Variants in DCLK1 observed in about 807,000 individuals in gnomAD.
The protein encoded by DCLK1 is doublecortin like kinase 1.
Under a neutral mutation model 86.2 loss-of-function variants are expected in DCLK1, and 16 were observed. That is an observed-to-expected ratio of 0.19 (90% CI 0.13 to 0.28). The LOEUF is 0.28. Among genes scored for constraint, DCLK1 ranks in the 10% least tolerant of loss-of-function variants. The pLI, the probability that DCLK1 is intolerant of heterozygous loss-of-function variation, is 1.00. For synonymous variants in DCLK1, 369 were observed against 370.5 expected (o/e 1.00, Z 0.05); for missense variants, 590 against 940.2 (o/e 0.63, Z 4.87).
intron 5 of DCLK1, chr13:35,855,826 G>A: frequency 8.1e-7 from 1 of 1,234,488 alleles, no homozygotes; most frequent in Non-Finnish European, 1.0e-6. Flanking sequence ...GGAAGCCCCA[G>A]TGCTGTCAGT....
intron 3 of DCLK1, among the ~76,000 whole-genome samples, chr13:36,052,652 AG>A (rs1227513500): frequency 2.0e-5 from 3 of 152,208 alleles, no homozygotes; most frequent in Non-Finnish European, 2.9e-5. Flanking sequence ...TGAGAAGTAA[AG>A]GAGACGTATT....
intron 3 of DCLK1, among the ~76,000 whole-genome samples, chr13:35,995,764 G>A (rs1316513743): frequency 2.0e-5 from 3 of 152,136 alleles, no homozygotes; most frequent in Non-Finnish European, 4.4e-5. Flanking sequence ...CCACGTACGT[G>A]AGATCACACG....
chr13:35,789,323 G>A (rs899308599), intron 16 of DCLK1, among the ~76,000 whole-genome samples: 5 of 152,194 alleles, frequency 3.3e-5, no homozygotes, highest in African/African-American at 1.2e-4. Flanking sequence ...AAACTGCTTG[G>A]AGGATTTTGT....
intron 3 of DCLK1, among the ~76,000 whole-genome samples, chr13:35,999,823 G>A (rs749208673): frequency 2.6e-5 from 4 of 152,076 alleles, no homozygotes; most frequent in Non-Finnish European, 5.9e-5. Flanking sequence ...TGATGCTTGC[G>A]GTCTGCTGAC....
rs2086301427 is a variant in DCLK1 at position 35,770,007 on chromosome 13, C to T, written c.*4528G>A. 6.6e-6 allele frequency: 1 copy of T among 152,302 alleles called. No individual in the cohort carries two copies. Among genetic ancestry groups the T allele is most frequent in the Middle Eastern group, 3.4e-3 (1 of 294 alleles). 9.4% of individuals were successfully genotyped at this position (152,302 alleles called of 1,614,324 possible). A position where few individuals can be genotyped will look rare whatever the true frequency, so the allele number is the denominator to read the frequency against. On this transcript the variant is annotated 3_prime_UTR_variant, in exon 17 of 17. Transcript: ENST00000360631. ...CAATAAACAAACAAACAAAAACCCC[C>T]ACTCTAACCAGAGGCATTTAAGCCT...
intron 3 of DCLK1, among the ~76,000 whole-genome samples, chr13:35,978,151 G>A (rs1473282702): frequency 1.4e-5 from 2 of 146,802 alleles, no homozygotes; most frequent in African/African-American, 2.5e-5. Flanking sequence ...ATTAAGAATC[G>A]ATTTTCTGCT....
At chr13:36,123,619 C>A (rs1886066007) in intron 2 of DCLK1, among the ~76,000 whole-genome samples, 1 of 152,328 alleles carries the variant, frequency 6.6e-6, no homozygotes, top group Non-Finnish European at 1.5e-5. Flanking sequence ...CTAACTCTAC[C>A]ATTTCTTTCT....
intron 3 of DCLK1, among the ~76,000 whole-genome samples, chr13:35,972,056 T>C (rs1879090166): frequency 6.6e-6 from 1 of 152,194 alleles, no homozygotes. Flanking sequence ...TTCACACTCA[T>C]TGATTGGTGA....
chr13:35,774,842 AC>A, intron 16 of DCLK1, 143 bp from the exon 17 acceptor site: 1 of 942,844 alleles, frequency 1.1e-6, no homozygotes, highest in African/African-American at 1.7e-5. Flanking sequence ...GTTGACAGTC[AC>A]CACTCTCAGG....
At chr13:36,027,669 A>T (rs1882098584) in intron 3 of DCLK1, among the ~76,000 whole-genome samples, 1 of 152,190 alleles carries the variant, frequency 6.6e-6, no homozygotes, top group Non-Finnish European at 1.5e-5. Flanking sequence ...TCTATATGTG[A>T]AGAAAAATAT....
intron 3 of DCLK1, among the ~76,000 whole-genome samples, chr13:36,014,987 CCTCTCTCTCTCTCTCTTT>C (rs1881478642): frequency 9.9e-6 from 1 of 100,978 alleles, no homozygotes; most frequent in African/African-American, 4.0e-5. Context: ...ATTCTCTCTC[CCTCTCTCTCTCTCTCTTT>C]CTCTCTCTCT....
chr13:35,979,345 C>G lies in DCLK1; in HGVS notation c.724-31888G>C, dbSNP rs575997163. Among the ~76,000 whole-genome samples, 55 of 152,220 alleles carry G rather than the reference C, an allele frequency of 3.6e-4. 1 individual carries two copies. The highest frequency in any genetic ancestry group is 1.2e-3 in the African/African-American group (51 of 41,572). The stretch of plus-strand genomic sequence containing the variant: ...TTTCATGGAAGACAAGGGATGTCAG[C>G]TGATCTCTGCATGGGGTTCAGAACT... On this transcript the variant is annotated intron_variant, in intron 3 of 16. Coordinates refer to ENST00000360631, the MANE Select transcript of DCLK1 (RefSeq NM_001330071.2).
At chr13:35,881,406 T>G (rs893743460) in intron 4 of DCLK1, among the ~76,000 whole-genome samples, 17 of 152,146 alleles carry the variant, frequency 1.1e-4, no homozygotes, top group Admixed American at 1.0e-3. Context: ...ACTGCTTCCA[T>G]CAGGGTGCAG....
At chr13:35,861,168 T>C (rs1312424174) in intron 5 of DCLK1, among the ~76,000 whole-genome samples, 1 of 152,094 alleles carries the variant, frequency 6.6e-6, no homozygotes, top group Non-Finnish European at 1.5e-5. Context: ...GGCATCACCA[T>C]AGGGAGAATG....
intron 4 of DCLK1, among the ~76,000 whole-genome samples, chr13:35,939,728 T>C (rs1246064730): frequency 6.6e-5 from 10 of 152,214 alleles, no homozygotes; most frequent in Non-Finnish European, 2.9e-5. Context: ...AAACTGTATA[T>C]TCCTAGAATT....
chr13:35,868,667 T>C (rs571220094), intron 5 of DCLK1, among the ~76,000 whole-genome samples: 1 of 152,340 alleles, frequency 6.6e-6, no homozygotes, highest in South Asian at 2.1e-4. Context: ...TCATTCTCTT[T>C]CACATCCTTC....
At chr13:35,919,295 A>G (rs1875639904) in intron 4 of DCLK1, among the ~76,000 whole-genome samples, 1 of 152,108 alleles carries the variant, frequency 6.6e-6, no homozygotes, top group African/African-American at 2.4e-5. Context: ...AAGAACAAAT[A>G]TCTATTCCTT....
chr13:36,053,978 T>C (rs1319304489), intron 3 of DCLK1, among the ~76,000 whole-genome samples: 2 of 152,146 alleles, frequency 1.3e-5, no homozygotes, highest in African/African-American at 4.8e-5. Flanking sequence ...CCATGGAAGA[T>C]AAAGGATAGA....
At chr13:36,023,530 C>T (rs1184359710) in intron 3 of DCLK1, among the ~76,000 whole-genome samples, 1 of 152,162 alleles carries the variant, frequency 6.6e-6, no homozygotes, top group Non-Finnish European at 1.5e-5. Flanking sequence ...TTATGGAGGG[C>T]AGTCTGCTTA....
Sources: allele counts gnomAD v4.1 joint callset (sites outside exome capture counted in the v4.1 genomes callset), GRCh38; gene constraint gnomAD v4.1.1; transcripts MANE v1.5; gene names NCBI Gene and HGNC (gene_info 2026-07-23, HGNC 2026-07-21).